Variants in ST3GAL3 observed in about 807,000 individuals in gnomAD.
ST3GAL3 encodes the protein CMP-N-acetylneuraminate-beta-1,4-galactoside alpha-2,3-sialyltransferase.
A neutral mutation model predicts 50.1 loss-of-function variants in ST3GAL3; 21 were observed. The observed-to-expected ratio is 0.42, with a 90% CI of 0.30 to 0.60. ST3GAL3 has a LOEUF of 0.60. Ranked by LOEUF, ST3GAL3 falls within the 20% of genes least tolerant of loss-of-function variation. ST3GAL3 has a pLI of 0.19. For synonymous variants in ST3GAL3, 183 were observed against 190.0 expected, an observed-to-expected ratio of 0.96 and a Z score of 0.30; for missense variants, 353 against 489.4, an observed-to-expected ratio of 0.72 and a Z score of 2.63.
intron 9 of ST3GAL3, among the ~76,000 whole-genome samples, chr1:43,902,893 C>T (rs2154275135): frequency 6.6e-6 from 1 of 152,304 alleles, no homozygotes. Context: ...AAGCACTATT[C>T]CCAACCAAAG....
chr1:43,845,911 T>A (rs1371520644), intron 5 of ST3GAL3, among the ~76,000 whole-genome samples: 1 of 152,224 alleles, frequency 6.6e-6, no homozygotes, highest in Non-Finnish European at 1.5e-5. Flanking sequence ...TCTTTGGAAG[T>A]GTTTTTGCTT....
At chr1:43,806,647 G>A (rs1275400474) in intron 3 of ST3GAL3, among the ~76,000 whole-genome samples, 1 of 152,168 alleles carries the variant, frequency 6.6e-6, no homozygotes, top group African/African-American at 2.4e-5. Context: ...GGAATAATGT[G>A]TAGGAAATAA....
chr1:43,921,095 G>T (rs1372548411), intron 11 of ST3GAL3, among the ~76,000 whole-genome samples, 167 bp downstream of exon 11: 1 of 152,056 alleles, frequency 6.6e-6, no homozygotes, highest in Non-Finnish European at 1.5e-5. Flanking sequence ...ACTGAACCCA[G>T]GGCCTTCTCC....
intron 2 of ST3GAL3, among the ~76,000 whole-genome samples, chr1:43,754,321 T>A (rs1687253441): frequency 1.3e-5 from 2 of 152,046 alleles, no homozygotes. Context: ...GCCTCCCGAG[T>A]AGCTGAGATT....
intron 2 of ST3GAL3, among the ~76,000 whole-genome samples, chr1:43,756,100 CA>C (rs139101819): frequency 2.6e-4 from 19 of 72,114 alleles, no homozygotes; most frequent in African/African-American, 1.4e-3. Flanking sequence ...GAACCAGTCT[CA>C]AAAAAAAAAA....
At chr1:43,786,233 G>A (rs181533742) in intron 2 of ST3GAL3, among the ~76,000 whole-genome samples, 263 of 152,178 alleles carry the variant, frequency 1.7e-3, no homozygotes, top group Admixed American at 2.7e-3. Flanking sequence ...ATATAAATCC[G>A]ACTCTGTTAC....
chr1:43,891,168 T>C (rs2076630632), intron 5 of ST3GAL3, among the ~76,000 whole-genome samples: 1 of 152,202 alleles, frequency 6.6e-6, no homozygotes, highest in South Asian at 2.1e-4. Flanking sequence ...AATCTTTTCA[T>C]ACAAGAAAGC....
At chr1:43,897,433 A>G (rs534438049) in intron 6 of ST3GAL3, among the ~76,000 whole-genome samples, 2 of 152,378 alleles carry the variant, frequency 1.3e-5, no homozygotes, top group African/African-American at 4.8e-5. Context: ...AAGGTCACAG[A>G]GCACAGCCAG....
intron 5 of ST3GAL3, chr1:43,841,902 C>T (rs2065442024): frequency 6.6e-6 from 1 of 152,214 alleles, no homozygotes; most frequent in African/African-American, 2.4e-5. Context: ...TTTACTTGCA[C>T]CTGTATCTGA....
Position 43,930,310 on chromosome 1 carries a change from G to C in ST3GAL3, c.*89G>C. ...CACAGGAGTCTTCAGACCCAGAGAA[G>C]GACGGTGCCAAGGGCCCCAGGGGCA... On this transcript the variant is annotated 3_prime_UTR_variant, in exon 12 of 12. Transcript: ENST00000347631. 7.5e-7 allele frequency: 1 copy of C among 1,336,790 alleles called. No homozygotes were observed. The highest frequency in any genetic ancestry group is 2.5e-4 in the Middle Eastern group (1 of 3,974). The allele number at this position is 1,336,790 out of a possible 1,614,324, so 82.8% of individuals were successfully genotyped here.
rs1238367993 is a variant in ST3GAL3, at chr1:43,894,454, C to T, written c.374C>T (p.Pro125Leu). ...TGGGCTAGAATCCGGGAGTTCGTGC[C>T]GCCTTTTGGGATCAAAGGTCAAGGT... ...RKWARIREFV[P>L]PFGIKGQDNL... Residue 125 changes from proline to leucine, a missense_variant, in exon 6 of 12, where the codon CCG becomes CTG. By Grantham distance (98) the Pro-to-Leu change is moderately conservative. Coordinates refer to ENST00000347631, the MANE Select transcript of ST3GAL3 (RefSeq NM_006279.5). 7 of 1,614,094 alleles carry T rather than the reference C, an allele frequency of 4.3e-6. No homozygotes were observed. The highest frequency in any genetic ancestry group is 1.7e-5 in the Admixed American group (1 of 60,006).
At chr1:43,811,937 A>G (rs964320877) in intron 3 of ST3GAL3, among the ~76,000 whole-genome samples, 1 of 152,222 alleles carries the variant, frequency 6.6e-6, no homozygotes, top group Non-Finnish European at 1.5e-5. Context: ...CGTGATAAGT[A>G]TTAAGAGATT....
chr1:43,866,602 A>AC (rs2071383332), intron 5 of ST3GAL3, among the ~76,000 whole-genome samples: 1 of 151,838 alleles, frequency 6.6e-6, no homozygotes. Flanking sequence ...AAAAAAAAAA[A>AC]GATTAAGGAA....
chr1:43,901,124 A>G (rs945029715), intron 9 of ST3GAL3, among the ~76,000 whole-genome samples: 3 of 152,248 alleles, frequency 2.0e-5, no homozygotes, highest in Non-Finnish European at 2.9e-5. Flanking sequence ...AGGGTCACAG[A>G]TAGACACTTT....
intron 2 of ST3GAL3, among the ~76,000 whole-genome samples, chr1:43,765,029 A>ATTTCATT (rs1692025011): frequency 6.6e-6 from 1 of 152,226 alleles, no homozygotes; most frequent in Non-Finnish European, 1.5e-5. Flanking sequence ...AATAAAAATA[A>ATTTCATT]TTTCATTTTT....
At chr1:43,888,784 CA>C (rs1430929215) in intron 5 of ST3GAL3, among the ~76,000 whole-genome samples, 3 of 152,090 alleles carry the variant, frequency 2.0e-5, no homozygotes, top group African/African-American at 7.2e-5. Context: ...GGTGATGTTG[CA>C]GGGGCTGTGG....
At chr1:43,898,616 G>A (rs1206779168) in intron 7 of ST3GAL3, among the ~76,000 whole-genome samples, 3 of 152,140 alleles carry the variant, frequency 2.0e-5, no homozygotes, top group Admixed American at 2.0e-4. Context: ...AGGTGAAGGG[G>A]GCAAGGCTTA....
At chr1:43,833,459 A>G (rs2063816338) in intron 4 of ST3GAL3, among the ~76,000 whole-genome samples, 1 of 152,180 alleles carries the variant, frequency 6.6e-6, no homozygotes, top group Admixed American at 6.5e-5. Flanking sequence ...GTTAGCATGT[A>G]CTGAGCACCA....
intron 5 of ST3GAL3, among the ~76,000 whole-genome samples, chr1:43,866,316 C>T (rs528980637): frequency 6.6e-6 from 1 of 152,072 alleles, no homozygotes; most frequent in Non-Finnish European, 1.5e-5. Flanking sequence ...TGGTAGCTCA[C>T]ACCTGTAATC....
Sources: gnomAD v4.1 joint callset for allele counts (sites outside exome capture counted in the v4.1 genomes callset) on GRCh38, gnomAD v4.1.1 for gene constraint, MANE v1.5 for transcripts, NCBI Gene and HGNC (gene_info 2026-07-23, HGNC 2026-07-21) for gene names.